FHIT: variants seen among roughly 807,000 people sequenced by gnomAD.
FHIT encodes the protein fragile histidine triad diadenosine triphosphatase, also known as bis(5'-adenosyl)-triphosphatase.
FHIT carries 19 observed loss-of-function variants against 17.9 expected under a neutral mutation model. The observed-to-expected ratio is 1.06, with a 90% CI of 0.74 to 1.56. The LOEUF (loss-of-function observed/expected upper bound fraction) is 1.56, where lower values mean the gene tolerates loss of function less well. FHIT is among the 40% of genes most tolerant of loss of function. The probability of loss-of-function intolerance (pLI) is 0.00; values close to 1 mark genes in which losing one functional copy is unlikely to be tolerated. For missense variants in FHIT, 248 were observed against 189.2 expected, an observed-to-expected ratio of 1.31 and a Z score of -1.82; for synonymous variants, 81 against 69.7, an observed-to-expected ratio of 1.16 and a Z score of -0.81.
At chr3:60,504,120 C>T (rs927512489) in intron 5 of FHIT, among the ~76,000 whole-genome samples, 1 of 152,114 alleles carries the variant, frequency 6.6e-6, no homozygotes, top group Non-Finnish European at 1.5e-5. Flanking sequence ...ATATTGATAG[C>T]CACCAATGTC....
At chr3:59,991,975 T>G (rs1559529740) in intron 7 of FHIT, among the ~76,000 whole-genome samples, 1 of 152,160 alleles carries the variant, frequency 6.6e-6, no homozygotes, top group South Asian at 2.1e-4. Flanking sequence ...CAGTTTGGGT[T>G]TTCTGACACT....
intron 3 of FHIT, among the ~76,000 whole-genome samples, chr3:61,031,071 T>G (rs1241635278): frequency 6.6e-6 from 1 of 152,186 alleles, no homozygotes; most frequent in East Asian, 1.9e-4. Context: ...GGTAACATGC[T>G]TCAACCCGAT....
chr3:60,683,149 TGAA>T (rs782018602), intron 4 of FHIT, among the ~76,000 whole-genome samples: 4 of 152,330 alleles, frequency 2.6e-5, no homozygotes, highest in East Asian at 3.9e-4. Context: ...AATCTACTCC[TGAA>T]GAAGATGTTA....
At chr3:60,601,057 C>A (rs1359272586) in intron 4 of FHIT, among the ~76,000 whole-genome samples, 4 of 152,116 alleles carry the variant, frequency 2.6e-5, no homozygotes, top group African/African-American at 9.7e-5. Flanking sequence ...TGGAAGGGTC[C>A]CCAGAGTTTG....
intron 8 of FHIT, among the ~76,000 whole-genome samples, chr3:59,838,037 C>A (rs1031400898): frequency 6.6e-6 from 1 of 152,132 alleles, no homozygotes; most frequent in Non-Finnish European, 1.5e-5. Flanking sequence ...CTCTCAGAAT[C>A]AGATTCCAGA....
rs117425187 is a variant in FHIT at position 59,973,531 on chromosome 3, T to A, written c.279+37840A>T. On this transcript the variant is annotated intron_variant, in intron 7 of 9. Coordinates refer to ENST00000492590, the MANE Select transcript of FHIT (RefSeq NM_002012.4). ...ATCATGTTTTAAAGAAGATCTCTTG[T>A]GGTCTTTCCAACTAGGCCAGTTTTC... 2.8e-4 allele frequency among the ~76,000 whole-genome samples: 43 copies of A among 152,282 alleles called. 1 individual carries two copies. The East Asian group carries it at 8.3e-3, about 29-fold the overall frequency.
intron 5 of FHIT, among the ~76,000 whole-genome samples, chr3:60,355,177 C>T (rs1164534444): frequency 1.3e-5 from 2 of 152,118 alleles, no homozygotes; most frequent in Non-Finnish European, 2.9e-5. Context: ...TTGTAACCTC[C>T]ACTCGTCATG....
chr3:60,770,763 T>C (rs1162931802), intron 4 of FHIT, among the ~76,000 whole-genome samples: 1 of 152,232 alleles, frequency 6.6e-6, no homozygotes, highest in Admixed American at 6.5e-5. Context: ...AGACCAGTTC[T>C]GCAACATAGT....
chr3:60,211,068 T>TA (rs10663373), intron 5 of FHIT, among the ~76,000 whole-genome samples: 23,881 of 84,220 alleles, frequency 0.28, 2,957 homozygotes, highest in East Asian at 0.62. Flanking sequence ...TATAAAACCG[T>TA]AAAAAAAAAA....
At chr3:59,833,327 AT>A (rs1161268212) in intron 8 of FHIT, among the ~76,000 whole-genome samples, 1 of 152,182 alleles carries the variant, frequency 6.6e-6, no homozygotes, top group East Asian at 1.9e-4. Context: ...TATATAATTG[AT>A]GTGCTTATAA....
At chr3:60,849,471 T>TATATATATATATAGA (rs1553747616) in intron 3 of FHIT, among the ~76,000 whole-genome samples, 1 of 146,484 alleles carries the variant, frequency 6.8e-6, no homozygotes, top group Non-Finnish European at 1.5e-5. Context: ...TATAAAATTA[T>TATATATATATATAGA]TATGATTTCA....
intron 3 of FHIT, among the ~76,000 whole-genome samples, chr3:60,874,387 C>T (rs149882348): frequency 2.2e-4 from 33 of 152,220 alleles, no homozygotes; most frequent in Non-Finnish European, 3.8e-4. Context: ...GTGACCAAAT[C>T]CTTCATTAAT....
At chr3:60,271,018 G>A (rs929067256) in intron 5 of FHIT, among the ~76,000 whole-genome samples, 1 of 152,140 alleles carries the variant, frequency 6.6e-6, no homozygotes, top group Non-Finnish European at 1.5e-5. Context: ...TCTTCCAGGT[G>A]ACTATTACCA....
intron 4 of FHIT, among the ~76,000 whole-genome samples, chr3:60,620,179 G>A (rs1187012941): frequency 6.6e-6 from 1 of 152,152 alleles, no homozygotes; most frequent in Admixed American, 6.5e-5. Context: ...TGGGGCAACA[G>A]AACTCACATT....
In FHIT at chr3:60,294,637, G is replaced by A. The variant is rs904192920; in HGVS notation, c.103+242223C>T. 4.6e-5 allele frequency among the ~76,000 whole-genome samples: 7 copies of A among 152,068 alleles called. No homozygotes were observed. The South Asian group carries it at 8.3e-4, about 18-fold the overall frequency. ...CCCACCATACAGAACATTACCATTC[G>A]CACAAAGGTCCCTCATGTTGCCCCT... On this transcript the variant is annotated intron_variant, in intron 5 of 9. Transcript: ENST00000492590.
chr3:60,587,764 T>C (rs1365224156), intron 4 of FHIT, among the ~76,000 whole-genome samples: 1 of 152,034 alleles, frequency 6.6e-6, no homozygotes, highest in African/African-American at 2.4e-5. Flanking sequence ...CCAGGCACTA[T>C]GCTAGGCTGT....
chr3:60,825,184 A>G (rs1702071000), intron 3 of FHIT, among the ~76,000 whole-genome samples: 1 of 152,232 alleles, frequency 6.6e-6, no homozygotes, highest in South Asian at 2.1e-4. Context: ...ATGCCACGGC[A>G]TAGTAACTCT....
chr3:60,344,593 G>C (rs970094384), intron 5 of FHIT, among the ~76,000 whole-genome samples: 10 of 152,158 alleles, frequency 6.6e-5, no homozygotes, highest in African/African-American at 2.4e-4. Flanking sequence ...CACTGGAGGA[G>C]GAACAGTGAG....
In FHIT at chr3:60,222,385, T is replaced by G. The variant is rs190155830; in HGVS notation, c.104-208233A>C. Among the ~76,000 whole-genome samples, 49 of 152,302 alleles carry G rather than the reference T, an allele frequency of 3.2e-4. No individual in the cohort carries two copies. The East Asian group carries it at 7.7e-3, about 24-fold the overall frequency. On this transcript the variant is annotated intron_variant, in intron 5 of 9. Coordinates refer to ENST00000492590, the MANE Select transcript of FHIT (RefSeq NM_002012.4). ...TGCTCTCTGGTATGGTTTCTGCCACTTCTGTGTATTACAGGTACCAACTTT... is the reference window on the plus strand; with the variant it reads ...TGCTCTCTGGTATGGTTTCTGCCACGTCTGTGTATTACAGGTACCAACTTT...
Sources: allele counts gnomAD v4.1 joint callset (sites outside exome capture counted in the v4.1 genomes callset), GRCh38; gene constraint gnomAD v4.1.1; transcripts MANE v1.5; gene names NCBI Gene and HGNC (gene_info 2026-07-23, HGNC 2026-07-21).